The following CA12 variants were observed in gnomAD, a reference collection of about 807,000 sequenced individuals.
CA12 encodes carbonic anhydrase 12, also known as carbonate dehydratase XII.
In CA12, 36 loss-of-function variants were observed where a neutral mutation model predicts 46.8. The observed-to-expected ratio is 0.77, with a 90% CI of 0.59 to 1.02. The LOEUF (loss-of-function observed/expected upper bound fraction) is 1.02, where lower values mean the gene tolerates loss of function less well. CA12 is among the 50% of genes least tolerant of loss of function. The pLI is 0.00. For synonymous variants in CA12, 202 were observed against 187.0 expected (o/e 1.08, Z -0.65); for missense variants, 436 against 451.4 (o/e 0.97, Z 0.31).
chr15:63,381,542 G>T, intron 1 of CA12, 94 bp downstream of exon 1: 1 of 1,015,868 alleles, frequency 9.8e-7, no homozygotes, highest in Non-Finnish European at 1.5e-6. Flanking sequence ...CCTGCTCCCC[G>T]CAGCAATGAT....
chr15:63,336,817 C>T (rs999979742), intron 8 of CA12, among the ~76,000 whole-genome samples: 1 of 152,042 alleles, frequency 6.6e-6, no homozygotes, highest in Admixed American at 6.6e-5. Flanking sequence ...AGAATATGTG[C>T]CACCCCTTCC....
rs183069216 is a variant in CA12, at chr15:63,360,949, G to A, written c.107-14240C>T. 4.1e-4 allele frequency among the ~76,000 whole-genome samples: 63 copies of A among 152,374 alleles called. 1 individual carries two copies. The East Asian group carries it at 0.012, about 28-fold the overall frequency. ...AAGGGATTCATTAAAGACTGGAGGG[G>A]AGAATAAGCGAATCGGTGAATAAAC... On this transcript the variant is annotated intron_variant, in intron 2 of 10. Coordinates refer to ENST00000178638, the MANE Select transcript of CA12 (RefSeq NM_001218.5).
In CA12 at chr15:63,321,866, A is replaced by G. The variant is rs576729281; in HGVS notation, c.*4419T>C. 2.0e-5 allele frequency: 3 copies of G among 152,356 alleles called. No homozygotes were observed. In the East Asian group the frequency reaches 5.8e-4, roughly 29 times the overall value. 9.4% of individuals were successfully genotyped at this position (152,356 alleles called of 1,614,324 possible). On this transcript the variant is annotated 3_prime_UTR_variant, in exon 11 of 11. Coordinates refer to ENST00000178638, the MANE Select transcript of CA12 (RefSeq NM_001218.5). The surrounding 1 kb of genome is among the most constrained non-coding windows in gnomAD (Gnocchi z 4.5). ...TGCGGCGAGGCGAGGAGATGTGGGG[A>G]GAGGAAGAGCGGCGTCCACGATGTG...
At chr15:63,358,033 T>C (rs954478981) in intron 2 of CA12, among the ~76,000 whole-genome samples, 1 of 152,266 alleles carries the variant, frequency 6.6e-6, no homozygotes, top group Non-Finnish European at 1.5e-5. Context: ...CTTTTTATGA[T>C]GGCATAATAT....
chr15:63,361,453 C>T (rs1478407735), intron 2 of CA12, among the ~76,000 whole-genome samples: 1 of 152,130 alleles, frequency 6.6e-6, no homozygotes. Flanking sequence ...ACATTTTCAG[C>T]TGTCACAACT....
rs1567037811 is a variant in CA12, at chr15:63,322,977, TATA to T, written c.*3305_*3307del. 2.0e-5 allele frequency: 3 copies of T among 152,264 alleles called. No individual in the cohort carries two copies. The highest frequency in any genetic ancestry group is 7.2e-5 in the African/African-American group (3 of 41,464). The allele number at this position is 152,264 out of a possible 1,614,324, so 9.4% of individuals were successfully genotyped here. A position where few individuals can be genotyped will look rare whatever the true frequency, so the allele number is the denominator to read the frequency against. On this transcript the variant is annotated 3_prime_UTR_variant, in exon 11 of 11. Coordinates refer to ENST00000178638, the MANE Select transcript of CA12 (RefSeq NM_001218.5). This position sits in a 1 kb window ranked among gnomAD's most constrained non-coding sequence, Gnocchi z 4.1. ...AGGCAAACAATGATGGTACCTATTT[TATA>T]ACCTTTACTGGACTGCCTCTTTTTG... is the stretch of plus-strand genomic sequence containing the variant.
intron 2 of CA12, among the ~76,000 whole-genome samples, chr15:63,365,930 G>A (rs1490900868): frequency 6.6e-6 from 1 of 152,100 alleles, no homozygotes; most frequent in Non-Finnish European, 1.5e-5. Context: ...CTTGAGGTCA[G>A]GAGTTTGAGA....
intron 2 of CA12, among the ~76,000 whole-genome samples, chr15:63,363,810 T>C (rs2039397243): frequency 6.6e-6 from 1 of 152,224 alleles, no homozygotes; most frequent in African/African-American, 2.4e-5. Context: ...TCTGTGCAGA[T>C]GCAGTCTGAC....
chr15:63,338,888 C>A lies in CA12; in HGVS notation c.805G>T (p.Glu269Ter). 1.2e-6 allele frequency: 2 copies of A among 1,614,192 alleles called. No individual in the cohort carries two copies. Among genetic ancestry groups the A allele is most frequent in the Non-Finnish European group, 1.7e-6 (2 of 1,180,036 alleles). The change falls in exon 8 of 11, where the codon GAA becomes TAA. Residue 269 changes from glutamate (E) to a stop codon, truncating the protein, a stop_gained. Transcript: ENST00000178638. LOFTEE classifies it high-confidence loss of function. ...ACCTGCCGGAAGTTGTTGATCATTT[C>A]TCTGGGGGAAGGGTCGTCCATGTGT... ...CTHMDDPSPR[E>*]MINNFRQVQK...
chr15:63,360,940 A>T (rs982836022), intron 2 of CA12, among the ~76,000 whole-genome samples: 11 of 152,212 alleles, frequency 7.2e-5, no homozygotes, highest in Non-Finnish European at 1.2e-4. Flanking sequence ...TTCATTAAAG[A>T]CTGGAGGGGA....
rs754259500 is a variant in CA12, at chr15:63,376,557, C to CTTTCTTTCTTT, written c.86-880_86-879insAAAGAAAGAAA. ...CTCTCCCCTCCCACTCTCTTTCTTT[C>CTTTCTTTCTTT]CTTTCTTTCTTTCTTTCTTTCTTTC... is the stretch of plus-strand genomic sequence containing the variant. On this transcript the variant is annotated intron_variant, in intron 1 of 10. Coordinates refer to ENST00000178638, the MANE Select transcript of CA12 (RefSeq NM_001218.5). Among the ~76,000 whole-genome samples, 15 of 104,620 alleles carry CTTTCTTTCTTT rather than the reference C, an allele frequency of 1.4e-4. No homozygotes were observed. In the East Asian group the frequency reaches 1.7e-3, roughly 12 times the overall value. The allele number at this position is 104,620 out of a possible 152,430, so 68.6% of individuals were successfully genotyped here.
In CA12 at chr15:63,328,110, CTGCCGCAGTACAGACT is replaced by C; in HGVS notation, c.879_894del (p.Val294AspfsTer2). On this transcript the variant is annotated frameshift_variant, in exon 9 of 11. Coordinates refer to ENST00000178638, the MANE Select transcript of CA12 (RefSeq NM_001218.5). LOFTEE classifies it high-confidence loss of function. The surrounding 1 kb of genome is among the most constrained non-coding windows in gnomAD (Gnocchi z 5.9). ...CCCAGCCACATACCCAGACTCAGTC[CTGCCGCAGTACAGACT>C]TGCACTTAAAAGGGGAGAGGAAAAG... The C allele has an allele frequency of 6.2e-7, 1 of 1,614,098 alleles. No homozygotes were observed. Among genetic ancestry groups the C allele is most frequent in the East Asian group, 2.2e-5 (1 of 44,874 alleles).
At chr15:63,367,576 A>C (rs2039452028) in intron 2 of CA12, among the ~76,000 whole-genome samples, 1 of 152,212 alleles carries the variant, frequency 6.6e-6, no homozygotes, top group Non-Finnish European at 1.5e-5. Context: ...AGCATGTGCC[A>C]CTTGCCCTGA....
chr15:63,360,091 C>T (rs947700518), intron 2 of CA12, among the ~76,000 whole-genome samples: 2 of 152,194 alleles, frequency 1.3e-5, no homozygotes, highest in Admixed American at 1.3e-4. Context: ...GTTAGTCTGC[C>T]AGTTTCATGG....
Position 63,339,608 on chromosome 15 carries a change from T to C in CA12, c.748-663A>G, listed in dbSNP as rs2152615206. On this transcript the variant is annotated intron_variant, in intron 7 of 10. Transcript: ENST00000178638. The surrounding 1 kb of genome is among the most constrained non-coding windows in gnomAD (Gnocchi z 4.3). Reference sequence around the variant, plus strand: ...AAGAGGAGCAGCTGTGAGGCTGCCCTGGACGCATGAAGCTGGCGTGGGGCT... The same window carrying C: ...AAGAGGAGCAGCTGTGAGGCTGCCCCGGACGCATGAAGCTGGCGTGGGGCT... Among the ~76,000 whole-genome samples the C allele has an allele frequency of 6.6e-6, 1 of 152,342 alleles. No individual in the cohort carries two copies. Among genetic ancestry groups the C allele is most frequent in the Middle Eastern group, 3.4e-3 (1 of 294 alleles).
intron 4 of CA12, among the ~76,000 whole-genome samples, chr15:63,342,990 T>C: frequency 6.6e-6 from 1 of 152,196 alleles, no homozygotes; most frequent in Non-Finnish European, 1.5e-5. Flanking sequence ...TATTTCTTCT[T>C]TTAAGTGGTC....
intron 8 of CA12, among the ~76,000 whole-genome samples, chr15:63,332,016 T>C (rs928992757): frequency 2.0e-5 from 3 of 152,200 alleles, no homozygotes; most frequent in Non-Finnish European, 4.4e-5. Context: ...ACACACTGTT[T>C]ACATAGATGG....
intron 8 of CA12, among the ~76,000 whole-genome samples, chr15:63,334,963 C>T (rs1303123846): frequency 6.6e-6 from 1 of 152,176 alleles, no homozygotes; most frequent in African/African-American, 2.4e-5. Flanking sequence ...TGCCATAAAA[C>T]AATGAAGACC....
At chr15:63,342,873 C>T (rs1473927410) in intron 4 of CA12, among the ~76,000 whole-genome samples, 1 of 152,176 alleles carries the variant, frequency 6.6e-6, no homozygotes, top group African/African-American at 2.4e-5. Flanking sequence ...TTTTCCATCT[C>T]ATGTGTTTAT....
Sources: allele counts gnomAD v4.1 joint callset (sites outside exome capture counted in the v4.1 genomes callset), GRCh38; gene constraint gnomAD v4.1.1; non-coding constraint Gnocchi (gnomAD v3.1); transcripts MANE v1.5; gene names NCBI Gene and HGNC (gene_info 2026-07-23, HGNC 2026-07-21).